PHAF1: variants seen among roughly 807,000 people sequenced by gnomAD.
The protein encoded by PHAF1 is phagophore assembly factor 1.
A neutral mutation model predicts 63.1 loss-of-function variants in PHAF1; 23 were observed. The observed-to-expected ratio is 0.36, with a 90% CI of 0.26 to 0.52. The LOEUF is 0.52. Among genes scored for constraint, PHAF1 ranks in the 20% least tolerant of loss-of-function variants. PHAF1 has a pLI of 0.93. For missense variants in PHAF1, 427 were observed against 517.2 expected (o/e 0.83, Z 1.69); for synonymous variants, 167 against 185.0 (o/e 0.90, Z 0.79).
chr16:67,132,561 T>C (rs772068254), intron 5 of PHAF1, 36 bp downstream of exon 5: 2 of 1,593,344 alleles, frequency 1.3e-6, no homozygotes. Context: ...TGGTCATCAG[T>C]GGCAGTTCAT....
chr16:67,113,819 G>A (rs956844037), intron 1 of PHAF1, among the ~76,000 whole-genome samples: 2 of 151,244 alleles, frequency 1.3e-5, no homozygotes, highest in African/African-American at 4.9e-5. Context: ...CGTGATCTTG[G>A]CTCACTGCAA....
chr16:67,139,973 GT>G lies in PHAF1; in HGVS notation c.662-5del. ...CATAACCTGACAACCTCTCTGTCTT[GT>G]TTTTTGCAGGTTGTGGACCTGGCCT... On this transcript the variant is annotated splice_polypyrimidine_tract_variant and intron_variant, in intron 8 of 15. Coordinates refer to ENST00000219139, the MANE Select transcript of PHAF1 (RefSeq NM_025187.5). 1 of 1,613,996 alleles carries G rather than the reference GT, an allele frequency of 6.2e-7. No individual in the cohort carries two copies. Among genetic ancestry groups the G allele is most frequent in the Non-Finnish European group, 8.5e-7 (1 of 1,179,976 alleles).
chr16:67,129,652 A>G (rs1483365374), intron 3 of PHAF1, among the ~76,000 whole-genome samples: 2 of 152,230 alleles, frequency 1.3e-5, no homozygotes, highest in Admixed American at 6.5e-5. Context: ...TGTCTCCACA[A>G]TGAGAGCAAA....
At chr16:67,133,337 AT>A (rs1963477027) in intron 6 of PHAF1, among the ~76,000 whole-genome samples, 1 of 152,060 alleles carries the variant, frequency 6.6e-6, no homozygotes, top group Non-Finnish European at 1.5e-5. Flanking sequence ...TTAAGGAAGC[AT>A]TTCTGCATTT....
At chr16:67,110,292 T>A in intron 1 of PHAF1, 53 bp downstream of exon 1, 1 of 1,537,552 alleles carries the variant, frequency 6.5e-7, no homozygotes, top group South Asian at 1.2e-5. Context: ...TGCTTTCTCC[T>A]GGGCTCTTCC....
chr16:67,130,326 C>T (rs896534438), intron 3 of PHAF1, among the ~76,000 whole-genome samples: 2 of 144,958 alleles, frequency 1.4e-5, no homozygotes, highest in African/African-American at 5.2e-5. Context: ...GGATTATAGG[C>T]GTGAGCCACC....
intron 4 of PHAF1, 156 bp from the exon 5 acceptor site, chr16:67,132,290 C>A: frequency 1.5e-6 from 1 of 658,110 alleles, no homozygotes; most frequent in Non-Finnish European, 2.6e-6. Flanking sequence ...CTCATTAATG[C>A]TCTTATTTAA....
intron 8 of PHAF1, chr16:67,136,262 C>T (rs952104828): frequency 6.6e-6 from 1 of 152,258 alleles, no homozygotes; most frequent in Non-Finnish European, 1.5e-5. Flanking sequence ...TGAGATAGCG[C>T]CATTGCACTG....
chr16:67,113,117 A>G (rs905607662), intron 1 of PHAF1, among the ~76,000 whole-genome samples: 3 of 152,208 alleles, frequency 2.0e-5, no homozygotes, highest in Non-Finnish European at 4.4e-5. Flanking sequence ...GAGAGATGAT[A>G]AACAAAAGTC....
Position 67,134,226 on chromosome 16 carries a change from G to A in PHAF1, c.509G>A (p.Arg170Gln), listed in dbSNP as rs771770542. 10 of 1,614,134 alleles carry A rather than the reference G, an allele frequency of 6.2e-6. No individual in the cohort carries two copies. Among genetic ancestry groups the A allele is most frequent in the Middle Eastern group, 3.3e-4 (2 of 6,060 alleles). ...ATACCCCATGGAGCAACTGTAAAAC[G>A]AATGTACATCTACAGTGGCAACAGC... ...LQIPHGATVKRMYIYSGNSLQ... is the reference protein window; with the variant it reads ...LQIPHGATVKQMYIYSGNSLQ... Residue 170 changes from arginine (R) to glutamine (Q), a missense_variant, in exon 7 of 16, where the codon CGA (arginine) becomes CAA (glutamine). Coordinates refer to ENST00000219139, the MANE Select transcript of PHAF1 (RefSeq NM_025187.5).
intron 1 of PHAF1, among the ~76,000 whole-genome samples, chr16:67,119,466 A>T (rs1192965792): frequency 6.6e-6 from 1 of 151,952 alleles, no homozygotes; most frequent in African/African-American, 2.4e-5. Flanking sequence ...CACTAATGAT[A>T]GTTAATGAGC....
intron 2 of PHAF1, among the ~76,000 whole-genome samples, chr16:67,120,989 T>A (rs1487302132): frequency 6.6e-6 from 1 of 152,200 alleles, no homozygotes; most frequent in African/African-American, 2.4e-5. Flanking sequence ...CTGTTACCTA[T>A]ACCCAGAGAT....
At chr16:67,119,564 C>G (rs1962890701) in intron 1 of PHAF1, among the ~76,000 whole-genome samples, 2 of 151,374 alleles carry the variant, frequency 1.3e-5, no homozygotes, top group Non-Finnish European at 2.9e-5. Context: ...CTCTGTTGCC[C>G]AGGCCGAGTG....
Position 67,110,027 on chromosome 16 carries a change from T to TGCTGCTGCC in PHAF1, c.-143_-135dup. 1 of 751,966 alleles carries TGCTGCTGCC rather than the reference T, an allele frequency of 1.3e-6. No individual in the cohort carries two copies. The highest frequency in any genetic ancestry group is 2.2e-6 in the Non-Finnish European group (1 of 456,538). 46.6% of individuals were successfully genotyped at this position (751,966 alleles called of 1,614,324 possible). A position where few individuals can be genotyped will look rare whatever the true frequency, so the allele number is the denominator to read the frequency against. On this transcript the variant is annotated 5_prime_UTR_variant, in exon 1 of 16. Coordinates refer to ENST00000219139, the MANE Select transcript of PHAF1 (RefSeq NM_025187.5). ...GAGGTGAGGTGTGGTGTTGGGCCGG[T>TGCTGCTGCC]GCTGCTGCCGCTGCCGCCGGGGAGG...
chr16:67,120,744 G>A lies in PHAF1; in HGVS notation c.147+550G>A, dbSNP rs577662449. The stretch of plus-strand genomic sequence containing the variant: ...TGCCATGTTGAACAGCCTTTGTGGT[G>A]TCCTGTGTGTCACAAGCCTCAGGGA... On this transcript the variant is annotated intron_variant, in intron 2 of 15. Transcript: ENST00000219139. 9.3e-4 allele frequency among the ~76,000 whole-genome samples: 141 copies of A among 152,070 alleles called. 1 individual carries two copies. Among genetic ancestry groups the A allele is most frequent in the Non-Finnish European group, 1.5e-3 (103 of 67,984 alleles).
intron 10 of PHAF1, among the ~76,000 whole-genome samples, chr16:67,141,519 C>T (rs947777369): frequency 3.0e-4 from 45 of 152,350 alleles, no homozygotes; most frequent in African/African-American, 9.9e-4. Flanking sequence ...TGGCAGGCTG[C>T]GCTTAGCTCA....
intron 1 of PHAF1, among the ~76,000 whole-genome samples, chr16:67,114,596 A>G (rs1962663767): frequency 6.6e-6 from 1 of 151,860 alleles, no homozygotes; most frequent in Non-Finnish European, 1.5e-5. Context: ...GAAAAGGTAG[A>G]TGATGTGTGC....
rs940062561 is a variant in PHAF1 at position 67,115,466 on chromosome 16, G to C, written c.65-4646G>C. Among the ~76,000 whole-genome samples the C allele has an allele frequency of 7.2e-5, 11 of 152,320 alleles. No homozygotes were observed. In the South Asian group the frequency reaches 2.1e-3, roughly 29 times the overall value. ...GCTTGACGTGTGCAAGTAACAAAGGGTGAACAGTGGAAAGAAGATATAGAT... is the reference window on the plus strand; with the variant it reads ...GCTTGACGTGTGCAAGTAACAAAGGCTGAACAGTGGAAAGAAGATATAGAT... On this transcript the variant is annotated intron_variant, in intron 1 of 15. Transcript: ENST00000219139.
chr16:67,116,818 C>T (rs1049506040), intron 1 of PHAF1, among the ~76,000 whole-genome samples: 10 of 152,122 alleles, frequency 6.6e-5, no homozygotes, highest in African/African-American at 1.9e-4. Flanking sequence ...CCACTACACT[C>T]CAGCCTGGGT....
Sources: allele counts gnomAD v4.1 joint callset (sites outside exome capture counted in the v4.1 genomes callset), GRCh38; gene constraint gnomAD v4.1.1; transcripts MANE v1.5; gene names NCBI Gene and HGNC (gene_info 2026-07-23, HGNC 2026-07-21).